TRAPPC9: variants seen among roughly 807,000 people sequenced by gnomAD.
TRAPPC9 encodes trafficking protein particle complex subunit 9, also known as IKK2 binding protein.
TRAPPC9 carries 83 observed loss-of-function variants against 124.0 expected under a neutral mutation model. The observed-to-expected ratio is 0.67, with a 90% CI of 0.56 to 0.80. The LOEUF (loss-of-function observed/expected upper bound fraction) is 0.80. Ranked by LOEUF, TRAPPC9 falls within the 30% of genes least tolerant of loss-of-function variation. TRAPPC9 has a pLI of 0.00. For missense variants in TRAPPC9, 1,302 were observed against 1,508.3 expected (o/e 0.86, Z 2.27); for synonymous variants, 638 against 617.5 (o/e 1.03, Z -0.49).
At chr8:140,166,264 T>A (rs1286280308) in intron 17 of TRAPPC9, among the ~76,000 whole-genome samples, 2 of 152,060 alleles carry the variant, frequency 1.3e-5, no homozygotes, top group Non-Finnish European at 2.9e-5. Context: ...CACACCAATA[T>A]CCAGATGTGA....
chr8:139,983,518 T>C (rs1185054066), intron 19 of TRAPPC9, among the ~76,000 whole-genome samples: 1 of 151,808 alleles, frequency 6.6e-6, no homozygotes, highest in Non-Finnish European at 1.5e-5. Flanking sequence ...TAAATATAAG[T>C]GTAGTGAAAA....
chr8:140,388,116 C>G (rs968625902), intron 7 of TRAPPC9, among the ~76,000 whole-genome samples: 5 of 151,002 alleles, frequency 3.3e-5, no homozygotes, highest in Admixed American at 6.6e-5. Context: ...AGCAAACTAT[C>G]GCAAGGACAA....
At chr8:140,309,691 C>T (rs71514672) in intron 10 of TRAPPC9, among the ~76,000 whole-genome samples, 138 of 152,340 alleles carry the variant, frequency 9.1e-4, no homozygotes, top group Non-Finnish European at 1.5e-3. Flanking sequence ...GAATCATGCC[C>T]TTAATCCCAA....
rs759408922 is a variant in TRAPPC9, at chr8:139,732,045, G to A, written c.3213C>T (p.Gly1071=). 1.1e-5 allele frequency: 18 copies of A among 1,604,598 alleles called. No individual in the cohort carries two copies. Among genetic ancestry groups the A allele is most frequent in the Admixed American group, 1.7e-5 (1 of 58,882 alleles). Residue 1071 remains glycine (G), a synonymous_variant, in exon 22 of 23, where the codon GGC becomes GGT. Transcript: ENST00000438773. ...TGTCGTGCAGGTCGTAGTTGTGCAC[G>A]CCGTTCTGGTGGTCCTGGAAGGGGA... is the stretch of plus-strand genomic sequence containing the variant. ...TVVPFQDHQN[G]VHNYDLHDTV...
intron 9 of TRAPPC9, among the ~76,000 whole-genome samples, chr8:140,323,214 A>C (rs991007654): frequency 2.0e-5 from 3 of 152,226 alleles, no homozygotes; most frequent in Non-Finnish European, 4.4e-5. Flanking sequence ...GGAGGGTGGT[A>C]CACCTGGAGA....
At position 140,192,885 on chromosome 8, in the gene TRAPPC9, C is replaced by T. The variant is rs543083590; in HGVS notation, c.2556+28574G>A. 2.5e-3 allele frequency among the ~76,000 whole-genome samples: 376 copies of T among 152,284 alleles called. 1 individual carries two copies. The Middle Eastern group carries it at 0.031, about 12-fold the overall frequency. On this transcript the variant is annotated intron_variant, in intron 17 of 22. Transcript: ENST00000438773. ...CTCCACCTCCCAGGTACAAATGATTCTCCTGCCTCAGCCTCCTGAGTAGTT... is the reference window on the plus strand; with the variant it reads ...CTCCACCTCCCAGGTACAAATGATTTTCCTGCCTCAGCCTCCTGAGTAGTT...
chr8:139,875,327 G>C (rs1484588219), intron 21 of TRAPPC9, among the ~76,000 whole-genome samples: 2 of 152,092 alleles, frequency 1.3e-5, no homozygotes, highest in African/African-American at 2.4e-5. Context: ...ACCTCCTCCA[G>C]GGTTGCCACA....
At chr8:140,080,001 G>A (rs562125266) in intron 17 of TRAPPC9, among the ~76,000 whole-genome samples, 10 of 152,244 alleles carry the variant, frequency 6.6e-5, no homozygotes, top group South Asian at 2.1e-4. Context: ...AGAAGAAGGC[G>A]ATGGCATCAC....
At chr8:140,193,856 A>G (rs1488165655) in intron 17 of TRAPPC9, among the ~76,000 whole-genome samples, 1 of 152,208 alleles carries the variant, frequency 6.6e-6, no homozygotes, top group Non-Finnish European at 1.5e-5. Context: ...ATGACTAGCA[A>G]TGCATGCAAA....
intron 21 of TRAPPC9, among the ~76,000 whole-genome samples, chr8:139,863,114 A>C (rs1435912762): frequency 3.9e-5 from 6 of 152,224 alleles, no homozygotes; most frequent in African/African-American, 7.2e-5. Flanking sequence ...CCGGGAGAAA[A>C]CACCACAGGA....
chr8:140,261,909 G>A (rs1000263015), intron 15 of TRAPPC9, among the ~76,000 whole-genome samples: 6 of 152,136 alleles, frequency 3.9e-5, no homozygotes, highest in Admixed American at 3.3e-4. Context: ...AGAGAAGGGG[G>A]AGGAGACAAA....
At chr8:140,209,017 C>A (rs1236918195) in intron 17 of TRAPPC9, among the ~76,000 whole-genome samples, 2 of 152,200 alleles carry the variant, frequency 1.3e-5, no homozygotes, top group Middle Eastern at 3.2e-3. Flanking sequence ...GGGAGACCAT[C>A]ATTTAAAACG....
chr8:140,278,729 T>A (rs1041934407), intron 14 of TRAPPC9, among the ~76,000 whole-genome samples: 2 of 152,188 alleles, frequency 1.3e-5, no homozygotes, highest in Admixed American at 6.5e-5. Context: ...CTCATCACTG[T>A]CAGTGCTCAA....
chr8:139,802,669 C>T (rs1258700224), intron 21 of TRAPPC9, among the ~76,000 whole-genome samples: 2 of 152,184 alleles, frequency 1.3e-5, no homozygotes, highest in East Asian at 1.9e-4. Flanking sequence ...CTCTCTTTTA[C>T]GGGCAAGAGA....
intron 9 of TRAPPC9, among the ~76,000 whole-genome samples, chr8:140,342,858 T>C (rs1303592359): frequency 1.3e-5 from 2 of 152,224 alleles, no homozygotes; most frequent in South Asian, 2.1e-4. Flanking sequence ...CTCTGCTATA[T>C]GAAGCTAAGG....
At chr8:139,909,391 C>A (rs1330689895) in intron 20 of TRAPPC9, among the ~76,000 whole-genome samples, 1 of 152,210 alleles carries the variant, frequency 6.6e-6, no homozygotes, top group East Asian at 1.9e-4. Flanking sequence ...TCTGAACCTG[C>A]AGCACTCGGC....
intron 3 of TRAPPC9, among the ~76,000 whole-genome samples, chr8:140,436,744 C>A (rs1404462490): frequency 6.6e-6 from 1 of 152,164 alleles, no homozygotes; most frequent in East Asian, 1.9e-4. Context: ...AGTCTCAGAG[C>A]CCACTGGGAG....
chr8:140,452,262 T>A (rs943765150), intron 1 of TRAPPC9, among the ~76,000 whole-genome samples: 1 of 148,650 alleles, frequency 6.7e-6, no homozygotes, highest in Non-Finnish European at 1.5e-5. Context: ...TTACTAAAAA[T>A]ACAAAAAATT....
chr8:140,227,135 C>G (rs2063474162), intron 16 of TRAPPC9, among the ~76,000 whole-genome samples: 1 of 152,028 alleles, frequency 6.6e-6, no homozygotes, highest in South Asian at 2.1e-4. Flanking sequence ...AGGAACAGAG[C>G]TGGAGAGAAG....
Sources: allele counts gnomAD v4.1 joint callset (sites outside exome capture counted in the v4.1 genomes callset), GRCh38; gene constraint gnomAD v4.1.1; transcripts MANE v1.5; gene names NCBI Gene and HGNC (gene_info 2026-07-23, HGNC 2026-07-21).